RALGAPA2: variants seen among roughly 807,000 people sequenced by gnomAD.
The protein encoded by RALGAPA2 is ral GTPase-activating protein subunit alpha-2.
In RALGAPA2, 139 loss-of-function variants were observed where a neutral mutation model predicts 230.4. The observed-to-expected ratio is 0.60, with a 90% CI of 0.53 to 0.69. The LOEUF is 0.69. RALGAPA2 is among the 30% of genes least tolerant of loss of function. RALGAPA2 has a pLI of 0.00. For synonymous variants in RALGAPA2, 847 were observed against 837.8 expected (o/e 1.01, Z -0.19); for missense variants, 2,163 against 2,276.0 (o/e 0.95, Z 1.01).
intron 37 of RALGAPA2, among the ~76,000 whole-genome samples, chr20:20,421,714 T>C (rs961755922): frequency 1.3e-5 from 2 of 152,090 alleles, no homozygotes; most frequent in Non-Finnish European, 2.9e-5. Flanking sequence ...GTGCAGCCAC[T>C]GTGGAAAACA....
intron 38 of RALGAPA2, among the ~76,000 whole-genome samples, chr20:20,411,123 T>C (rs764836317): frequency 5.3e-5 from 8 of 152,234 alleles, no homozygotes; most frequent in African/African-American, 1.2e-4. Flanking sequence ...TCAGAGACAA[T>C]TGACACAGGT....
intron 37 of RALGAPA2, among the ~76,000 whole-genome samples, chr20:20,451,402 T>C (rs1395135738): frequency 2.6e-5 from 4 of 152,148 alleles, no homozygotes; most frequent in Non-Finnish European, 5.9e-5. Flanking sequence ...AATCTATTTT[T>C]AAAAAAATCT....
Position 20,390,495 on chromosome 20 carries a change from G to A in RALGAPA2, c.*2794C>T, listed in dbSNP as rs2059586600. On this transcript the variant is annotated 3_prime_UTR_variant, in exon 40 of 40. Transcript: ENST00000202677. ...TGCAGAGAAGTGAGGGAACTGGCCT[G>A]GCCCTGCCTGAGGCCAGCGAGTCTT... The A allele has an allele frequency of 6.6e-6, 1 of 152,178 alleles. No individual in the cohort carries two copies. Among genetic ancestry groups the A allele is most frequent in the Non-Finnish European group, 1.5e-5 (1 of 68,046 alleles). The allele number at this position is 152,178 out of a possible 1,614,324, so 9.4% of individuals were successfully genotyped here.
intron 1 of RALGAPA2, among the ~76,000 whole-genome samples, chr20:20,704,862 T>C (rs1404204401): frequency 6.6e-6 from 1 of 152,248 alleles, no homozygotes; most frequent in Non-Finnish European, 1.5e-5. Flanking sequence ...CCATTACCTT[T>C]GCACAAGCTC....
intron 24 of RALGAPA2, among the ~76,000 whole-genome samples, chr20:20,546,087 C>A (rs1237125339): frequency 3.3e-5 from 5 of 151,652 alleles, no homozygotes; most frequent in African/African-American, 1.2e-4. Context: ...AAAACAACAA[C>A]AAAAAAAGAA....
intron 31 of RALGAPA2, among the ~76,000 whole-genome samples, chr20:20,515,805 C>T (rs577165339): frequency 2.7e-4 from 40 of 150,116 alleles, no homozygotes; most frequent in Non-Finnish European, 5.0e-4. Flanking sequence ...GATATAATCT[C>T]GAGCAGGGAT....
At chr20:20,617,713 T>C (rs1048684361) in intron 12 of RALGAPA2, among the ~76,000 whole-genome samples, 4 of 152,286 alleles carry the variant, frequency 2.6e-5, no homozygotes, top group African/African-American at 9.6e-5. Flanking sequence ...CAGAGTACAT[T>C]TGTCAAAAGC....
intron 23 of RALGAPA2, among the ~76,000 whole-genome samples, chr20:20,547,760 TATG>T (rs2063812774): frequency 6.6e-6 from 1 of 152,224 alleles, no homozygotes; most frequent in Non-Finnish European, 1.5e-5. Context: ...CGTGTCGCTT[TATG>T]ATGAGGATAC....
intron 1 of RALGAPA2, among the ~76,000 whole-genome samples, chr20:20,704,633 CCAGA>C (rs1267384289): frequency 1.3e-5 from 2 of 152,166 alleles, no homozygotes; most frequent in Non-Finnish European, 2.9e-5. Context: ...TGCCAGCAGC[CCAGA>C]CTATATCTTC....
At position 20,587,530 on chromosome 20, in the gene RALGAPA2, T is replaced by C. The variant is rs78425810; in HGVS notation, c.2439+1738A>G. On this transcript the variant is annotated intron_variant, in intron 18 of 39. Transcript: ENST00000202677. ...TAAACAGGAATCAATTCCAAATATATAAAAGACTTAAATTTGTAGAGCAAA... is the reference window on the plus strand; with the variant it reads ...TAAACAGGAATCAATTCCAAATATACAAAAGACTTAAATTTGTAGAGCAAA... 2.3e-3 allele frequency among the ~76,000 whole-genome samples: 349 copies of C among 152,188 alleles called. 10 individuals are homozygous for C. In the East Asian group the frequency reaches 0.06, roughly 26 times the overall value.
chr20:20,531,861 A>C (rs2063377628), intron 26 of RALGAPA2, 66 bp from the exon 27 acceptor site: 1 of 1,200,738 alleles, frequency 8.3e-7, no homozygotes, highest in Non-Finnish European at 1.2e-6. Context: ...CAGTATTTTC[A>C]AATAACAAAA....
chr20:20,434,773 T>TA (rs1012709716), intron 37 of RALGAPA2, among the ~76,000 whole-genome samples: 1 of 152,132 alleles, frequency 6.6e-6, no homozygotes, highest in Non-Finnish European at 1.5e-5. Context: ...CCGTCTCTAC[T>TA]AACACATTAA....
At chr20:20,711,042 C>A (rs1301506028) in intron 1 of RALGAPA2, among the ~76,000 whole-genome samples, 1 of 152,228 alleles carries the variant, frequency 6.6e-6, no homozygotes, top group Non-Finnish European at 1.5e-5. Flanking sequence ...ACTCTCCACA[C>A]TTCACTCTCA....
chr20:20,494,843 A>G (rs983420710), intron 36 of RALGAPA2, among the ~76,000 whole-genome samples: 2 of 152,248 alleles, frequency 1.3e-5, no homozygotes, highest in Non-Finnish European at 2.9e-5. Context: ...AATTTAGAAA[A>G]CTTAAAACAT....
chr20:20,429,136 C>T (rs185423613), intron 37 of RALGAPA2, among the ~76,000 whole-genome samples: 1 of 152,250 alleles, frequency 6.6e-6, no homozygotes, highest in Admixed American at 6.5e-5. Context: ...AAAACTCAAA[C>T]CACATATGAT....
intron 36 of RALGAPA2, among the ~76,000 whole-genome samples, chr20:20,475,007 G>A (rs1464830278): frequency 6.6e-6 from 1 of 152,116 alleles, no homozygotes; most frequent in South Asian, 2.1e-4. Flanking sequence ...AGTGGCTGGA[G>A]ATGGAGCAAG....
chr20:20,668,496 A>G (rs1187280857), intron 3 of RALGAPA2, among the ~76,000 whole-genome samples: 1 of 152,246 alleles, frequency 6.6e-6, no homozygotes, highest in Non-Finnish European at 1.5e-5. Context: ...TGTTCATTTT[A>G]TATGTCCTTG....
chr20:20,409,851 G>C (rs1270576052), intron 38 of RALGAPA2, among the ~76,000 whole-genome samples: 1 of 152,134 alleles, frequency 6.6e-6, no homozygotes, highest in South Asian at 2.1e-4. Flanking sequence ...CCTACTCAGC[G>C]TTATGAGAAG....
chr20:20,409,469 A>T (rs2060016221), intron 38 of RALGAPA2, among the ~76,000 whole-genome samples: 1 of 152,194 alleles, frequency 6.6e-6, no homozygotes, highest in Non-Finnish European at 1.5e-5. Flanking sequence ...CCCTGCTTTG[A>T]TGACACTGAG....
Sources: allele counts gnomAD v4.1 joint callset (sites outside exome capture counted in the v4.1 genomes callset), GRCh38; gene constraint gnomAD v4.1.1; transcripts MANE v1.5; gene names NCBI Gene and HGNC (gene_info 2026-07-23, HGNC 2026-07-21).